Variants in CTNND2 observed in about 807,000 individuals in gnomAD.
The protein encoded by CTNND2 is catenin delta 2, also known as catenin delta-2.
Under a neutral mutation model 144.4 loss-of-function variants are expected in CTNND2, and 22 were observed. That is an observed-to-expected ratio of 0.15 (90% CI 0.11 to 0.22). CTNND2 has a LOEUF of 0.22. Among genes scored for constraint, CTNND2 ranks in the 10% least tolerant of loss-of-function variants. CTNND2 has a pLI of 1.00. For missense variants in CTNND2, 1,353 were observed against 1,618.8 expected (o/e 0.84, Z 2.82); for synonymous variants, 751 against 695.6 (o/e 1.08, Z -1.25).
chr5:11,584,136 T>C (rs934563947), intron 2 of CTNND2, among the ~76,000 whole-genome samples: 8 of 152,178 alleles, frequency 5.3e-5, no homozygotes, highest in African/African-American at 1.4e-4. Context: ...TTACCAGAAA[T>C]TGGTTCAGAA....
At chr5:11,555,442 A>G (rs1437573741) in intron 3 of CTNND2, among the ~76,000 whole-genome samples, 1 of 152,134 alleles carries the variant, frequency 6.6e-6, no homozygotes. Context: ...AGTGACTACA[A>G]AAAAAGAGAG....
intron 18 of CTNND2, among the ~76,000 whole-genome samples, chr5:11,003,588 C>A (rs968866819): frequency 6.6e-6 from 1 of 152,168 alleles, no homozygotes; most frequent in Non-Finnish European, 1.5e-5. Flanking sequence ...TATTCTGATG[C>A]ACAGTCTGTG....
In CTNND2 at chr5:11,428,087, C is replaced by T. The variant is rs146542215; in HGVS notation, c.288-16018G>A. On this transcript the variant is annotated intron_variant, in intron 3 of 21. Transcript: ENST00000304623. Reference sequence around the variant, plus strand: ...ACCACGAGAACAGCATGAAAAAGACCGCCCCCATGATTCAATTACCTTCCC... The same window carrying T: ...ACCACGAGAACAGCATGAAAAAGACTGCCCCCATGATTCAATTACCTTCCC... Among the ~76,000 whole-genome samples, 9 of 152,150 alleles carry T rather than the reference C, an allele frequency of 5.9e-5. No homozygotes were observed. The East Asian group carries it at 7.7e-4, about 13-fold the overall frequency.
intron 2 of CTNND2, among the ~76,000 whole-genome samples, chr5:11,662,533 T>C (rs934066775): frequency 4.6e-5 from 7 of 152,044 alleles, no homozygotes; most frequent in Non-Finnish European, 8.8e-5. Context: ...CTAGCCATGT[T>C]GGCAGCTGAT....
chr5:11,050,537 A>G (rs1416110436), intron 16 of CTNND2, among the ~76,000 whole-genome samples: 1 of 152,230 alleles, frequency 6.6e-6, no homozygotes, highest in Non-Finnish European at 1.5e-5. Flanking sequence ...CCAGAGCTCT[A>G]TTACGTTATA....
chr5:11,897,004 C>T (rs1428657172), intron 1 of CTNND2, among the ~76,000 whole-genome samples: 2 of 152,150 alleles, frequency 1.3e-5, no homozygotes, highest in Non-Finnish European at 2.9e-5. Flanking sequence ...ATCAACCTTC[C>T]ATGTCCTGGG....
At position 10,992,489 on chromosome 5, in the gene CTNND2, G is replaced by A. The variant is rs191614234; in HGVS notation, c.3211+62C>T. On this transcript the variant is annotated intron_variant, in intron 19 of 21. Transcript: ENST00000304623. ...GAGTACGGGTTGGCTCACGGACTGG[G>A]AAGGACCGTCTTTGCTCAACGAGAA... The A allele has an allele frequency of 6.2e-6, 10 of 1,610,196 alleles. No homozygotes were observed. The Admixed American group carries it at 1.5e-4, about 24-fold the overall frequency.
chr5:11,162,918 G>GACAC (rs58027818), intron 11 of CTNND2, among the ~76,000 whole-genome samples: 5 of 141,492 alleles, frequency 3.5e-5, no homozygotes, highest in African/African-American at 8.8e-5. Flanking sequence ...CACACATACA[G>GACAC]ACACACACAC....
intron 1 of CTNND2, among the ~76,000 whole-genome samples, chr5:11,858,722 G>A (rs1029457452): frequency 2.0e-5 from 3 of 152,216 alleles, no homozygotes; most frequent in African/African-American, 4.8e-5. Context: ...GAGGTCAGGA[G>A]ATGGAGACCA....
intron 1 of CTNND2, among the ~76,000 whole-genome samples, chr5:11,787,796 A>G (rs1396084139): frequency 6.6e-6 from 1 of 152,214 alleles, no homozygotes; most frequent in African/African-American, 2.4e-5. Flanking sequence ...AGGTAAAGAT[A>G]AAATAGAGTT....
chr5:11,588,875 A>C, intron 2 of CTNND2: 1 of 985,270 alleles, frequency 1.0e-6, no homozygotes, highest in Non-Finnish European at 1.2e-6. Context: ...CTGGCATCCT[A>C]CCCACCTCCC....
At chr5:11,187,604 T>C (rs1030295602) in intron 11 of CTNND2, among the ~76,000 whole-genome samples, 8 of 151,960 alleles carry the variant, frequency 5.3e-5, no homozygotes, top group African/African-American at 1.7e-4. Flanking sequence ...AATTGACAAA[T>C]GGGATCTAAT....
intron 9 of CTNND2, among the ~76,000 whole-genome samples, chr5:11,253,420 G>T (rs141691579): frequency 7.2e-5 from 11 of 152,282 alleles, no homozygotes; most frequent in Non-Finnish European, 1.2e-4. Flanking sequence ...TCATGGGGCT[G>T]TTTCCCCCAT....
At position 11,447,803 on chromosome 5, in the gene CTNND2, A is replaced by C. The variant is rs61755463; in HGVS notation, c.288-35734T>G. ...CCTGAGTAGCAGGGGCCAAGGAAGG[A>C]GTTTCTCCCACTGAATACATTTCAA... On this transcript the variant is annotated intron_variant, in intron 3 of 21. Coordinates refer to ENST00000304623, the MANE Select transcript of CTNND2 (RefSeq NM_001332.4). Among the ~76,000 whole-genome samples the C allele has an allele frequency of 5.5e-3, 835 of 152,304 alleles. 9 individuals carry two copies. The highest frequency in any genetic ancestry group is 0.019 in the African/African-American group (805 of 41,556).
intron 16 of CTNND2, among the ~76,000 whole-genome samples, chr5:11,032,186 C>A (rs1425977298): frequency 6.6e-6 from 1 of 152,200 alleles, no homozygotes; most frequent in Non-Finnish European, 1.5e-5. Context: ...CCTCTCCCGT[C>A]TCTGAATTTA....
intron 16 of CTNND2, among the ~76,000 whole-genome samples, chr5:11,033,015 T>C (rs749651224): frequency 3.9e-5 from 6 of 152,216 alleles, no homozygotes; most frequent in East Asian, 1.9e-4. Context: ...TATTGTGTTA[T>C]AGTTACATAA....
chr5:11,069,667 G>A, intron 16 of CTNND2, among the ~76,000 whole-genome samples: 1 of 33,036 alleles, frequency 3.0e-5, no homozygotes, highest in Admixed American at 2.1e-4. Flanking sequence ...GAGAGAGACA[G>A]ACAGACAGAC....
At chr5:11,095,059 T>C (rs1018923860) in intron 15 of CTNND2, among the ~76,000 whole-genome samples, 1 of 152,246 alleles carries the variant, frequency 6.6e-6, no homozygotes, top group African/African-American at 2.4e-5. Context: ...ACTTCTTCCA[T>C]AATTCCCATT....
At chr5:11,194,211 C>G (rs1736627319) in intron 11 of CTNND2, among the ~76,000 whole-genome samples, 2 of 152,110 alleles carry the variant, frequency 1.3e-5, no homozygotes, top group South Asian at 4.1e-4. Context: ...GCTAACTTTC[C>G]TGGTGGAACA....
Sources: gnomAD v4.1 joint callset for allele counts (sites outside exome capture counted in the v4.1 genomes callset) on GRCh38, gnomAD v4.1.1 for gene constraint, MANE v1.5 for transcripts, NCBI Gene and HGNC (gene_info 2026-07-23, HGNC 2026-07-21) for gene names.